Variants in TENM4 observed in about 807,000 individuals in gnomAD.
The protein encoded by TENM4 is teneurin transmembrane protein 4.
In TENM4, 82 loss-of-function variants were observed where a neutral mutation model predicts 243.3. The ratio of observed to expected loss-of-function variants is 0.34; its 90% CI spans 0.28 to 0.40. The LOEUF (loss-of-function observed/expected upper bound fraction) is 0.40, where lower values mean the gene tolerates loss of function less well. Ranked by LOEUF, TENM4 falls within the 10% of genes least tolerant of loss-of-function variation. The probability of loss-of-function intolerance (pLI) is 1.00; values close to 1 mark genes in which losing one functional copy is unlikely to be tolerated. For missense variants in TENM4, 3,138 were observed against 3,673.3 expected (o/e 0.85, Z 3.77); for synonymous variants, 1,412 against 1,456.3 (o/e 0.97, Z 0.69).
intron 22 of TENM4, among the ~76,000 whole-genome samples, chr11:78,728,496 TCTG>T (rs1007080852): frequency 4.6e-5 from 7 of 151,158 alleles, no homozygotes; most frequent in Non-Finnish European, 8.9e-5. Context: ...CTTCCTTGCT[TCTG>T]CTCCCTCCCT....
chr11:78,776,534 A>G (rs926347687), intron 17 of TENM4, among the ~76,000 whole-genome samples: 2 of 152,208 alleles, frequency 1.3e-5, no homozygotes, highest in South Asian at 2.1e-4. Flanking sequence ...CTGGGAAGCA[A>G]TGAACAAAAT....
At chr11:78,886,770 C>G (rs1274195191) in intron 9 of TENM4, among the ~76,000 whole-genome samples, 1 of 152,196 alleles carries the variant, frequency 6.6e-6, no homozygotes. Context: ...TGAGCCCTAG[C>G]ATCCAGTCCA....
chr11:78,838,598 A>G (rs1450163862), intron 12 of TENM4, among the ~76,000 whole-genome samples: 1 of 144,702 alleles, frequency 6.9e-6, no homozygotes, highest in South Asian at 2.2e-4. Context: ...TCTGAATCAG[A>G]GGTTGAAAAT....
intron 25 of TENM4, among the ~76,000 whole-genome samples, chr11:78,712,935 G>A (rs779981010): frequency 1.5e-5 from 2 of 133,194 alleles, no homozygotes; most frequent in African/African-American, 3.8e-5. Flanking sequence ...TGCAATTCTT[G>A]CAAGAACCCC....
Position 78,879,537 on chromosome 11 carries a change from GCCGCCACC to G in TENM4, c.1084+10240_1084+10247del, listed in dbSNP as rs1338526495. On this transcript the variant is annotated intron_variant, in intron 9 of 33. Transcript: ENST00000278550. ...GGGAACTGAGGAGCGCCTCTGCACG[GCCGCCACC>G]CTGTCTGCGAAGTGGGGAGCACCTC... 4.7e-5 allele frequency among the ~76,000 whole-genome samples: 6 copies of G among 128,904 alleles called. 1 individual carries two copies. Among genetic ancestry groups the G allele is most frequent in the African/African-American group, 6.2e-5 (2 of 32,510 alleles). 84.6% of individuals were successfully genotyped at this position (128,904 alleles called of 152,430 possible).
Position 78,889,807 on chromosome 11 carries a change from G to A in TENM4, c.1062C>T (p.Val354=). The change falls in exon 9 of 34, where the codon GTC becomes GTT. Residue 354 remains valine, a synonymous_variant. Coordinates refer to ENST00000278550, the MANE Select transcript of TENM4 (RefSeq NM_001098816.3). ...LSAIVISATL[V]ILLAYFVAMH... is the part of the protein sequence containing the mutation. ...TACCCACAAAGTATGCCAGCAGGAT[G>A]ACCAGAGTGGCTGAGATGACGATGG... 2 of 1,552,072 alleles carry A rather than the reference G, an allele frequency of 1.3e-6. No individual in the cohort carries two copies. Among genetic ancestry groups the A allele is most frequent in the Non-Finnish European group, 1.7e-6 (2 of 1,147,088 alleles).
intron 6 of TENM4, among the ~76,000 whole-genome samples, chr11:78,935,332 G>A (rs1411035343): frequency 6.6e-6 from 1 of 152,134 alleles, no homozygotes; most frequent in Admixed American, 6.5e-5. Flanking sequence ...ACTTTTAAGA[G>A]TTTCTTGAAC....
chr11:79,316,383 C>T (rs1467931005), intron 1 of TENM4, among the ~76,000 whole-genome samples: 1 of 152,124 alleles, frequency 6.6e-6, no homozygotes, highest in African/African-American at 2.4e-5. Context: ...CCAACCATAG[C>T]TCAATGATTG....
chr11:79,025,277 GAA>G (rs1402511406), intron 6 of TENM4, among the ~76,000 whole-genome samples: 1 of 152,016 alleles, frequency 6.6e-6, no homozygotes, highest in Non-Finnish European at 1.5e-5. Flanking sequence ...ATGAATGAAT[GAA>G]TGAATGAATG....
intron 4 of TENM4, among the ~76,000 whole-genome samples, chr11:79,086,921 T>C (rs894611470): frequency 3.3e-5 from 5 of 151,838 alleles, no homozygotes; most frequent in Non-Finnish European, 4.4e-5. Flanking sequence ...AACTTATACA[T>C]TTCTAACACA....
chr11:78,750,589 C>A (rs367942335), intron 19 of TENM4, among the ~76,000 whole-genome samples: 1 of 152,202 alleles, frequency 6.6e-6, no homozygotes, highest in Non-Finnish European at 1.5e-5. Context: ...AGGGGGCAGA[C>A]GTGCAGTGAG....
At chr11:78,723,856 A>C (rs973741958) in intron 23 of TENM4, among the ~76,000 whole-genome samples, 2 of 152,150 alleles carry the variant, frequency 1.3e-5, no homozygotes, top group Non-Finnish European at 2.9e-5. Flanking sequence ...GGATAGCTTT[A>C]ATTTTTACGT....
At chr11:79,023,874 G>T (rs1214656536) in intron 6 of TENM4, among the ~76,000 whole-genome samples, 1 of 152,182 alleles carries the variant, frequency 6.6e-6, no homozygotes, top group Non-Finnish European at 1.5e-5. Flanking sequence ...TGGCTTGATA[G>T]GCAGGGGTGG....
At chr11:78,880,684 C>G (rs917001833) in intron 9 of TENM4, among the ~76,000 whole-genome samples, 2 of 152,108 alleles carry the variant, frequency 1.3e-5, no homozygotes, top group African/African-American at 2.4e-5. Flanking sequence ...CACAGAAAAC[C>G]GCAGAATGTT....
intron 3 of TENM4, among the ~76,000 whole-genome samples, chr11:79,156,636 C>A (rs1862625128): frequency 6.6e-6 from 1 of 152,162 alleles, no homozygotes; most frequent in African/African-American, 2.4e-5. Flanking sequence ...CCTGAGCTTC[C>A]AGCACCCTCC....
chr11:78,699,334 C>A (rs1355818210), intron 28 of TENM4, among the ~76,000 whole-genome samples: 1 of 152,168 alleles, frequency 6.6e-6, no homozygotes, highest in African/African-American at 2.4e-5. Context: ...GTTGAAAGAA[C>A]AGGGACTTGT....
chr11:78,981,236 A>G (rs1414952358), intron 6 of TENM4, among the ~76,000 whole-genome samples: 2 of 152,244 alleles, frequency 1.3e-5, no homozygotes. Context: ...CTATTATTCT[A>G]TAACAGAAAT....
At chr11:79,172,405 C>T (rs997605131) in intron 3 of TENM4, among the ~76,000 whole-genome samples, 2 of 152,178 alleles carry the variant, frequency 1.3e-5, no homozygotes, top group African/African-American at 4.8e-5. Context: ...AACCAATCCC[C>T]CAAACCAGCC....
chr11:79,373,810 C>T (rs910797474), intron 1 of TENM4, among the ~76,000 whole-genome samples: 2 of 152,138 alleles, frequency 1.3e-5, no homozygotes, highest in African/African-American at 4.8e-5. Context: ...AGGCCTGACT[C>T]ACCATAGAGT....
Sources: allele counts gnomAD v4.1 joint callset (sites outside exome capture counted in the v4.1 genomes callset), GRCh38; gene constraint gnomAD v4.1.1; transcripts MANE v1.5; gene names NCBI Gene and HGNC (gene_info 2026-07-23, HGNC 2026-07-21).